DST: variants seen among roughly 807,000 people sequenced by gnomAD.
DST encodes bullous pemphigoid antigen.
In DST, 253 loss-of-function variants were observed where a neutral mutation model predicts 875.2. That is an observed-to-expected ratio of 0.29 (90% CI 0.26 to 0.32). The LOEUF is 0.32. Among genes scored for constraint, DST ranks in the 10% least tolerant of loss-of-function variants. The probability of loss-of-function intolerance (pLI) is 1.00; values close to 1 mark genes in which losing one functional copy is unlikely to be tolerated. For missense variants in DST, 8,287 were observed against 9,111.6 expected, an observed-to-expected ratio of 0.91 and a Z score of 3.68; for synonymous variants, 3,124 against 3,197.1, an observed-to-expected ratio of 0.98 and a Z score of 0.77.
chr6:56,848,498 G>C (rs1352543744), intron 4 of DST, among the ~76,000 whole-genome samples: 6 of 152,140 alleles, frequency 3.9e-5, no homozygotes, highest in African/African-American at 1.4e-4. Flanking sequence ...ATTAGAAGTT[G>C]AATTTTCAAT....
At chr6:56,944,104 G>A (rs1446864786) in intron 2 of DST, among the ~76,000 whole-genome samples, 2 of 152,120 alleles carry the variant, frequency 1.3e-5, no homozygotes, top group African/African-American at 4.8e-5. Flanking sequence ...GCAACAGAGA[G>A]AGACCCTGTC....
chr6:56,779,704 G>A (rs951948200), intron 4 of DST, among the ~76,000 whole-genome samples: 70 of 150,528 alleles, frequency 4.7e-4, no homozygotes, highest in African/African-American at 1.7e-3. Flanking sequence ...TAGATATGTG[G>A]CATTAGTCTT....
intron 3 of DST, among the ~76,000 whole-genome samples, chr6:56,853,109 G>A (rs924751967): frequency 6.6e-6 from 1 of 152,178 alleles, no homozygotes; most frequent in African/African-American, 2.4e-5. Context: ...CCCACAAAGT[G>A]AGGTATGTAA....
intron 92 of DST, 150 bp from the exon 93 acceptor site, chr6:56,474,152 T>A (rs1261475097): frequency 3.0e-6 from 2 of 664,298 alleles, no homozygotes; most frequent in Non-Finnish European, 4.9e-6. Context: ...AAAAAAAATC[T>A]AAACCATCAT....
At chr6:56,739,818 A>G (rs1212275170) in intron 4 of DST, among the ~76,000 whole-genome samples, 1 of 152,172 alleles carries the variant, frequency 6.6e-6, no homozygotes, top group African/African-American at 2.4e-5. Flanking sequence ...TACAAGGAGG[A>G]GGCATGAATA....
At chr6:56,752,225 G>T (rs144314060) in intron 4 of DST, among the ~76,000 whole-genome samples, 2 of 152,104 alleles carry the variant, frequency 1.3e-5, no homozygotes, top group East Asian at 3.9e-4. Context: ...TCCTGTCTTA[G>T]TCCAATGGGA....
At chr6:56,950,216 G>C (rs1434107288) in intron 2 of DST, among the ~76,000 whole-genome samples, 1 of 152,130 alleles carries the variant, frequency 6.6e-6, no homozygotes, top group Admixed American at 6.6e-5. Context: ...ACAGGAAATA[G>C]AGATATTTAC....
chr6:56,578,166 T>G (rs1297201723), intron 50 of DST, among the ~76,000 whole-genome samples: 1 of 151,958 alleles, frequency 6.6e-6, no homozygotes, highest in Admixed American at 6.6e-5. Flanking sequence ...AGCCCAAGAG[T>G]TTGAGACTAG....
chr6:56,822,782 T>A (rs1334703500), intron 4 of DST, among the ~76,000 whole-genome samples: 1 of 150,682 alleles, frequency 6.6e-6, no homozygotes, highest in Non-Finnish European at 1.5e-5. Flanking sequence ...ACAGCCACTT[T>A]AAAAAAAAAG....
Position 56,529,704 on chromosome 6 carries a change from T to C in DST, c.17339A>G (p.Lys5780Arg). Residue 5780 changes from lysine to arginine, a missense_variant, in exon 66 of 104, where the codon AAG (lysine) becomes AGG (arginine). Physicochemically the swap from Lys to Arg is conservative, Grantham distance 26. Transcript: ENST00000680361. ...TTTATCCTCCCTGGAGCTCAAAACCTTTAAGGACTGGCCAATGCTAACAGC... is the reference window on the plus strand; with the variant it reads ...TTTATCCTCCCTGGAGCTCAAAACCCTTAAGGACTGGCCAATGCTAACAGC... Reference protein sequence around the residue: ...HQAVSIGQSLKVLSSREDKDM... With the variant: ...HQAVSIGQSLRVLSSREDKDM... 6.2e-7 allele frequency: 1 copy of C among 1,613,404 alleles called. No individual in the cohort carries two copies. Among genetic ancestry groups the C allele is most frequent in the Non-Finnish European group, 8.5e-7 (1 of 1,179,660 alleles).
At chr6:56,731,076 G>C (rs2099495939) in intron 5 of DST, among the ~76,000 whole-genome samples, 2 of 152,186 alleles carry the variant, frequency 1.3e-5, no homozygotes, top group South Asian at 4.1e-4. Context: ...TCCTCAAGCA[G>C]CCTTGGCCCA....
At chr6:56,925,037 G>A (rs1027115050) in intron 2 of DST, among the ~76,000 whole-genome samples, 2 of 152,170 alleles carry the variant, frequency 1.3e-5, no homozygotes, top group Admixed American at 6.5e-5. Flanking sequence ...CAGCATAGTA[G>A]GAAAGAGATG....
At position 56,655,336 on chromosome 6, in the gene DST, GA is replaced by G. The variant is rs549062457; in HGVS notation, c.1215-4093del. On this transcript the variant is annotated intron_variant, in intron 10 of 103. Coordinates refer to ENST00000680361, the MANE Select transcript of DST (RefSeq NM_001374736.1). ...GGACACTAATTAAAGTTAACTAAGA[GA>G]AAGAAAAATGCCAGCTAAGAGAAGA... Among the ~76,000 whole-genome samples, 43 of 152,150 alleles carry G rather than the reference GA, an allele frequency of 2.8e-4. No homozygotes were observed. The East Asian group carries it at 7.5e-3, about 27-fold the overall frequency.
intron 2 of DST, among the ~76,000 whole-genome samples, chr6:56,925,441 T>G (rs1177437566): frequency 6.6e-6 from 1 of 152,242 alleles, no homozygotes; most frequent in South Asian, 2.1e-4. Flanking sequence ...ACTCTGCCCC[T>G]GGCAGAGATG....
intron 36 of DST, chr6:56,616,313 T>G (rs755135829): frequency 1.2e-6 from 2 of 1,613,864 alleles, no homozygotes; most frequent in Non-Finnish European, 1.7e-6. Context: ...AGAATGCCCA[T>G]AGGATTCAAA....
chr6:56,535,828 A>T (rs955504257), intron 62 of DST, among the ~76,000 whole-genome samples: 4 of 152,196 alleles, frequency 2.6e-5, no homozygotes, highest in Non-Finnish European at 5.9e-5. Flanking sequence ...GTCTACCAGT[A>T]AATGGAGTCT....
chr6:56,596,383 A>T (rs2098387026), intron 47 of DST, among the ~76,000 whole-genome samples: 1 of 152,132 alleles, frequency 6.6e-6, no homozygotes, highest in Non-Finnish European at 1.5e-5. Context: ...AAATGATCAG[A>T]TGGGAAATGC....
intron 4 of DST, among the ~76,000 whole-genome samples, chr6:56,793,068 CAAAAAAAAAAAAAAAAAA>C (rs61457774): frequency 0.031 from 1,333 of 42,482 alleles, 42 homozygotes; most frequent in African/African-American, 0.076. Flanking sequence ...GACCCTGTCT[CAAAAAAAAAAAAAAAAAA>C]AAAAAAAAAA....
At chr6:56,626,450 T>C (rs2098735830) in intron 34 of DST, among the ~76,000 whole-genome samples, 1 of 152,156 alleles carries the variant, frequency 6.6e-6, no homozygotes, top group African/African-American at 2.4e-5. Context: ...TTCAGTACAG[T>C]AACATGCTGT....
Sources: gnomAD v4.1 joint callset for allele counts (sites outside exome capture counted in the v4.1 genomes callset) on GRCh38, gnomAD v4.1.1 for gene constraint, MANE v1.5 for transcripts, NCBI Gene and HGNC (gene_info 2026-07-23, HGNC 2026-07-21) for gene names.